The following PKHD1 variants were observed in gnomAD, a reference collection of about 807,000 sequenced individuals.
PKHD1 encodes PKHD1 ciliary IPT domain containing fibrocystin/polyductin, also known as fibrocystin.
Under a neutral mutation model 412.0 loss-of-function variants are expected in PKHD1, and 291 were observed. The observed-to-expected ratio is 0.71, with a 90% CI of 0.64 to 0.78. PKHD1 has a LOEUF of 0.78. Among genes scored for constraint, PKHD1 ranks in the 30% least tolerant of loss-of-function variants. PKHD1 has a pLI of 0.00. For missense variants in PKHD1, 4,825 were observed against 4,950.7 expected (o/e 0.97, Z 0.76); for synonymous variants, 1,777 against 1,821.5 (o/e 0.98, Z 0.62).
chr6:51,671,003 G>T (rs964216322), intron 60 of PKHD1, among the ~76,000 whole-genome samples: 1 of 151,858 alleles, frequency 6.6e-6, no homozygotes, highest in African/African-American at 2.4e-5. Context: ...TTTCAACTTT[G>T]GTGAATCTGA....
intron 22 of PKHD1, among the ~76,000 whole-genome samples, chr6:52,049,827 C>T (rs1487200769): frequency 6.6e-6 from 1 of 152,148 alleles, no homozygotes; most frequent in Admixed American, 6.5e-5. Context: ...CTCTGAACAG[C>T]ACAAAATGCC....
At chr6:51,945,573 G>T (rs901370995) in intron 36 of PKHD1, among the ~76,000 whole-genome samples, 2 of 152,206 alleles carry the variant, frequency 1.3e-5, no homozygotes, top group Non-Finnish European at 2.9e-5. Flanking sequence ...TGCCTGTGCT[G>T]CAGTAATCAC....
Position 51,892,514 on chromosome 6 carries a change from C to T in PKHD1, c.6997-5269G>A, listed in dbSNP as rs574291122. 8.5e-5 allele frequency among the ~76,000 whole-genome samples: 13 copies of T among 152,216 alleles called. No individual in the cohort carries two copies. In the South Asian group the frequency reaches 1.2e-3, roughly 15 times the overall value. On this transcript the variant is annotated intron_variant, in intron 43 of 66. Transcript: ENST00000371117. The stretch of plus-strand genomic sequence containing the variant: ...GATGCTGTTATACAGAGGATAGGCT[C>T]GACAACAAGGAATTACCCAGCCCAA...
At chr6:51,993,639 G>A (rs945417727) in intron 35 of PKHD1, among the ~76,000 whole-genome samples, 1 of 152,224 alleles carries the variant, frequency 6.6e-6, no homozygotes, top group East Asian at 1.9e-4. Flanking sequence ...GGTGTCTAAT[G>A]AAGTCATATG....
At chr6:52,064,924 G>A (rs1219196499) in intron 13 of PKHD1, 31 bp downstream of exon 13, 1 of 1,109,204 alleles carries the variant, frequency 9.0e-7, no homozygotes, top group East Asian at 2.7e-5. Context: ...GATATTCAGA[G>A]TTTATTGAAC....
At chr6:51,957,862 C>T (rs1357632801) in intron 36 of PKHD1, among the ~76,000 whole-genome samples, 1 of 152,110 alleles carries the variant, frequency 6.6e-6, no homozygotes, top group African/African-American at 2.4e-5. Context: ...AGTATACATT[C>T]GGCCTCACTG....
At chr6:52,051,183 G>A (rs1415028467) in intron 21 of PKHD1, among the ~76,000 whole-genome samples, 1 of 152,196 alleles carries the variant, frequency 6.6e-6, no homozygotes, top group African/African-American at 2.4e-5. Context: ...CAGCTCCGCT[G>A]TGTGAATTGG....
chr6:51,996,270 A>C lies in PKHD1; in HGVS notation c.5751+14039T>G, dbSNP rs527436313. Among the ~76,000 whole-genome samples the C allele has an allele frequency of 2.4e-3, 367 of 151,148 alleles. 1 individual carries two copies. The highest frequency in any genetic ancestry group is 8.6e-3 in the African/African-American group (354 of 41,190). On this transcript the variant is annotated intron_variant, in intron 35 of 66. Transcript: ENST00000371117. ...ATGATCCTCCCGCCTCAGCCTCCCAAAGTGCTGGGATTACAGGCATGAGCC... is the reference window on the plus strand; with the variant it reads ...ATGATCCTCCCGCCTCAGCCTCCCACAGTGCTGGGATTACAGGCATGAGCC...
chr6:51,850,559 C>A (rs547407540), intron 49 of PKHD1, among the ~76,000 whole-genome samples: 3 of 152,202 alleles, frequency 2.0e-5, no homozygotes, highest in African/African-American at 7.2e-5. Flanking sequence ...TGTGTCCTCT[C>A]TTATTTCCTT....
chr6:51,809,203 A>G (rs901911940), intron 52 of PKHD1, among the ~76,000 whole-genome samples: 17 of 152,132 alleles, frequency 1.1e-4, no homozygotes, highest in African/African-American at 4.1e-4. Context: ...TGATTCCTTT[A>G]TATTTAATAT....
At chr6:51,830,756 C>T in intron 52 of PKHD1, 105 bp downstream of exon 52, 1 of 1,147,334 alleles carries the variant, frequency 8.7e-7, no homozygotes, top group East Asian at 2.4e-5. Flanking sequence ...TAAGTGCCTA[C>T]TTATTTCCAA....
intron 65 of PKHD1, among the ~76,000 whole-genome samples, chr6:51,629,143 C>T (rs1273230561): frequency 1.3e-5 from 2 of 152,034 alleles, no homozygotes; most frequent in Non-Finnish European, 2.9e-5. Context: ...CCAATCTGGA[C>T]ATAGGCCTTG....
intron 53 of PKHD1, among the ~76,000 whole-genome samples, chr6:51,776,805 G>C (rs879551793): frequency 2.0e-5 from 3 of 152,040 alleles, no homozygotes; most frequent in Non-Finnish European, 4.4e-5. Context: ...ATAAGGCTAT[G>C]ATACTCAGAC....
At chr6:51,886,003 A>C (rs1007856341) in intron 44 of PKHD1, 31 bp from the exon 45 acceptor site, 1 of 1,228,668 alleles carries the variant, frequency 8.1e-7, no homozygotes, top group Non-Finnish European at 1.2e-6. Flanking sequence ...AAATTAAGCC[A>C]ATTTTTATGT....
intron 60 of PKHD1, among the ~76,000 whole-genome samples, chr6:51,671,673 G>C (rs1366471875): frequency 2.6e-5 from 4 of 152,114 alleles, no homozygotes; most frequent in African/African-American, 9.7e-5. Context: ...CCCCATCTTG[G>C]TGGTTTTATC....
rs553933365 is a variant in PKHD1, at chr6:51,774,656, A to G, written c.8554+1152T>C. Among the ~76,000 whole-genome samples, 3 of 152,106 alleles carry G rather than the reference A, an allele frequency of 2.0e-5. No individual in the cohort carries two copies. In the East Asian group the frequency reaches 5.8e-4, roughly 29 times the overall value. On this transcript the variant is annotated intron_variant, in intron 54 of 66. Coordinates refer to ENST00000371117, the MANE Select transcript of PKHD1 (RefSeq NM_138694.4). ...TTATATATTATGGAACTAAGTTAAGAAACTTCATACTAGCTTAACATTATT... is the reference window on the plus strand; with the variant it reads ...TTATATATTATGGAACTAAGTTAAGGAACTTCATACTAGCTTAACATTATT...
intron 6 of PKHD1, among the ~76,000 whole-genome samples, chr6:52,075,988 G>A (rs542764856): frequency 1.3e-5 from 2 of 152,142 alleles, no homozygotes; most frequent in Admixed American, 1.3e-4. Context: ...TAAAAGCAAG[G>A]ATGACTCCTC....
At chr6:52,065,456 C>T (rs556560236) in intron 12 of PKHD1, among the ~76,000 whole-genome samples, 1 of 152,192 alleles carries the variant, frequency 6.6e-6, no homozygotes, top group East Asian at 1.9e-4. Context: ...TGTGACATGA[C>T]AGTGTGAGGA....
chr6:51,770,722 T>C (rs1789946500), intron 55 of PKHD1, among the ~76,000 whole-genome samples: 1 of 152,050 alleles, frequency 6.6e-6, no homozygotes. Flanking sequence ...CTATTCAAAA[T>C]TCTAGTAAAA....
Sources: allele counts gnomAD v4.1 joint callset (sites outside exome capture counted in the v4.1 genomes callset), GRCh38; gene constraint gnomAD v4.1.1; transcripts MANE v1.5; gene names NCBI Gene and HGNC (gene_info 2026-07-23, HGNC 2026-07-21).